Variants in PITPNB observed in about 807,000 individuals in gnomAD.
The protein encoded by PITPNB is phosphatidylinositol transfer protein beta isoform.
PITPNB carries 16 observed loss-of-function variants against 45.9 expected under a neutral mutation model. The observed-to-expected ratio is 0.35, with a 90% CI of 0.24 to 0.53. The LOEUF is 0.53. Among genes scored for constraint, PITPNB ranks in the 20% least tolerant of loss-of-function variants. PITPNB has a pLI of 0.93. For synonymous variants in PITPNB, 112 were observed against 108.9 expected (o/e 1.03, Z -0.18); for missense variants, 188 against 330.5 (o/e 0.57, Z 3.34).
Position 27,909,208 on chromosome 22 carries a change from T to TTG in PITPNB, c.197+1755_197+1756insCA, listed in dbSNP as rs3065720. Among the ~76,000 whole-genome samples the TTG allele has an allele frequency of 3.6e-3, 222 of 62,348 alleles. 2 individuals are homozygous for TTG. Among genetic ancestry groups the TTG allele is most frequent in the African/African-American group, 8.9e-3 (121 of 13,554 alleles). The allele number at this position is 62,348 out of a possible 152,430, so 40.9% of individuals were successfully genotyped here. A position where few individuals can be genotyped will look rare whatever the true frequency, so the allele number is the denominator to read the frequency against. On this transcript the variant is annotated intron_variant, in intron 3 of 11. Transcript: ENST00000335272. ...GCCCTTAGATAAATACTGGTAGTAC[T>TTG]TTTTTTTTTTTTTTTTTTTTTGGCT...
intron 3 of PITPNB, among the ~76,000 whole-genome samples, chr22:27,904,530 G>A (rs1014682501): frequency 6.6e-6 from 1 of 152,174 alleles, no homozygotes; most frequent in Non-Finnish European, 1.5e-5. Context: ...TGTTGAAAAT[G>A]TTCTGAAATT....
intron 7 of PITPNB, among the ~76,000 whole-genome samples, chr22:27,877,140 A>G (rs554622355): frequency 1.3e-5 from 2 of 152,356 alleles, no homozygotes; most frequent in South Asian, 4.1e-4. Flanking sequence ...TTAAAAGTAG[A>G]AAAATCTTAT....
intron 2 of PITPNB, among the ~76,000 whole-genome samples, chr22:27,912,914 C>T (rs1311122775): frequency 2.3e-5 from 3 of 129,630 alleles, no homozygotes; most frequent in Non-Finnish European, 4.7e-5. Context: ...ACCCAGGAGG[C>T]GGAGGTTGCA....
chr22:27,873,497 C>A (rs916727549), intron 8 of PITPNB, among the ~76,000 whole-genome samples: 3 of 152,174 alleles, frequency 2.0e-5, no homozygotes, highest in African/African-American at 7.2e-5. Flanking sequence ...AATCACTTGT[C>A]TCTTTTAAGA....
At chr22:27,900,896 G>T (rs1177760230) in intron 3 of PITPNB, among the ~76,000 whole-genome samples, 2 of 152,120 alleles carry the variant, frequency 1.3e-5, no homozygotes, top group Admixed American at 1.3e-4. Flanking sequence ...ACAATAGTAA[G>T]GCCCTTTAGT....
chr22:27,903,605 C>T (rs1427382568), intron 3 of PITPNB, among the ~76,000 whole-genome samples: 2 of 151,314 alleles, frequency 1.3e-5, no homozygotes, highest in Non-Finnish European at 3.0e-5. Flanking sequence ...AGGGAGACCC[C>T]CCACCTCTAC....
At chr22:27,907,004 T>G (rs761514716) in intron 3 of PITPNB, among the ~76,000 whole-genome samples, 6 of 152,210 alleles carry the variant, frequency 3.9e-5, no homozygotes, top group African/African-American at 7.2e-5. Context: ...CTGGCTAAAG[T>G]AGATCTCAGA....
intron 3 of PITPNB, among the ~76,000 whole-genome samples, chr22:27,908,402 T>C (rs1479136945): frequency 6.6e-6 from 1 of 151,478 alleles, no homozygotes; most frequent in Non-Finnish European, 1.5e-5. Flanking sequence ...TTTCAAACTG[T>C]TCTTTTCCAT....
At chr22:27,908,064 C>T (rs16985704) in intron 3 of PITPNB, among the ~76,000 whole-genome samples, 5,484 of 151,596 alleles carry the variant, frequency 0.036, 150 homozygotes, top group African/African-American at 0.069. Context: ...ATAACCTCTC[C>T]GGAATAAGAA....
intron 8 of PITPNB, among the ~76,000 whole-genome samples, chr22:27,866,894 A>G (rs1337795145): frequency 6.6e-6 from 1 of 152,238 alleles, no homozygotes; most frequent in East Asian, 1.9e-4. Context: ...TGTGTGCATC[A>G]GTAAATATCA....
chr22:27,871,321 C>A (rs1934652379), intron 8 of PITPNB, among the ~76,000 whole-genome samples: 1 of 152,184 alleles, frequency 6.6e-6, no homozygotes, highest in Admixed American at 6.5e-5. Context: ...ATAAAGCCCA[C>A]CACATAATGT....
intron 7 of PITPNB, among the ~76,000 whole-genome samples, chr22:27,887,586 C>T (rs1222721182): frequency 6.6e-6 from 1 of 151,884 alleles, no homozygotes; most frequent in Non-Finnish European, 1.5e-5. Context: ...TAACAGGCGA[C>T]CCAATCCATG....
chr22:27,904,733 A>C (rs1935707740), intron 3 of PITPNB, among the ~76,000 whole-genome samples: 1 of 152,214 alleles, frequency 6.6e-6, no homozygotes. Context: ...ATTAACAGTA[A>C]TGATGGAGAT....
In PITPNB at chr22:27,897,812, T is replaced by C; in HGVS notation, c.278A>G (p.Tyr93Cys). 1.2e-6 allele frequency: 2 copies of C among 1,611,190 alleles called. No homozygotes were observed. The highest frequency in any genetic ancestry group is 2.2e-5 in the East Asian group (1 of 44,856). ...GGGGCCAAGCTTACTTGTTCTACAG[T>C]AGGGGTACGCATTCCAGGCTTTCTC... is the stretch of plus-strand genomic sequence containing the variant. ...FHEKAWNAYP[Y>C]CRTIVTNEYM... The change falls in exon 4 of 12, where the codon TAC becomes TGC. Residue 93 changes from tyrosine (Y) to cysteine (C), a missense_variant. Physicochemically the swap from Tyr to Cys is radical, Grantham distance 194. Transcript: ENST00000335272.
rs1166871709 is a variant in PITPNB at position 27,858,188 on chromosome 22, G to A, written c.768+199C>T. Among the ~76,000 whole-genome samples, 8 of 152,174 alleles carry A rather than the reference G, an allele frequency of 5.3e-5. No individual in the cohort carries two copies. The East Asian group carries it at 7.7e-4, about 15-fold the overall frequency. ...TGAGAAAACTCTAGTCTACCTTCAC[G>A]CAAGATGCTCAACAAAAGAGAGATC... is the stretch of plus-strand genomic sequence containing the variant. On this transcript the variant is annotated intron_variant, in intron 10 of 11. Coordinates refer to ENST00000335272, the MANE Select transcript of PITPNB (RefSeq NM_012399.5).
At chr22:27,871,924 A>T (rs1231388023) in intron 8 of PITPNB, among the ~76,000 whole-genome samples, 1 of 151,942 alleles carries the variant, frequency 6.6e-6, no homozygotes, top group Non-Finnish European at 1.5e-5. Flanking sequence ...GCTGTATAAA[A>T]GTGCATGGCA....
chr22:27,891,005 A>G (rs376123555), intron 7 of PITPNB, among the ~76,000 whole-genome samples: 1 of 152,200 alleles, frequency 6.6e-6, no homozygotes, highest in Non-Finnish European at 1.5e-5. Flanking sequence ...TTCTATTTAT[A>G]TGAAATATCC....
intron 8 of PITPNB, chr22:27,860,482 C>G (rs779824098): frequency 2.7e-6 from 1 of 365,530 alleles, no homozygotes; most frequent in Non-Finnish European, 5.1e-6. Context: ...GTATGTTGCT[C>G]TGCCTCAAAT....
chr22:27,851,746 C>G lies in PITPNB; in HGVS notation c.*1956G>C, dbSNP rs1934025478. Reference sequence around the variant, plus strand: ...TACTGTAATTTACACAAGAGACTGGCAAGTAAACTAGGTATTTTACATTCA... The same window carrying G: ...TACTGTAATTTACACAAGAGACTGGGAAGTAAACTAGGTATTTTACATTCA... On this transcript the variant is annotated 3_prime_UTR_variant, in exon 12 of 12. Coordinates refer to ENST00000335272, the MANE Select transcript of PITPNB (RefSeq NM_012399.5). The G allele has an allele frequency of 6.6e-6, 1 of 152,154 alleles. No homozygotes were observed. The highest frequency in any genetic ancestry group is 2.4e-5 in the African/African-American group (1 of 41,430). 9.4% of individuals were successfully genotyped at this position (152,154 alleles called of 1,614,324 possible). A position where few individuals can be genotyped will look rare whatever the true frequency, so the allele number is the denominator to read the frequency against.
Sources: allele counts gnomAD v4.1 joint callset (sites outside exome capture counted in the v4.1 genomes callset), GRCh38; gene constraint gnomAD v4.1.1; transcripts MANE v1.5; gene names NCBI Gene and HGNC (gene_info 2026-07-23, HGNC 2026-07-21).